AASS: variants seen among roughly 807,000 people sequenced by gnomAD.
The protein encoded by AASS is aminoadipate-semialdehyde synthase.
AASS carries 86 observed loss-of-function variants against 105.4 expected under a neutral mutation model. The ratio of observed to expected loss-of-function variants is 0.82; its 90% confidence interval spans 0.69 to 0.98. The LOEUF is 0.98. Among genes scored for constraint, AASS ranks in the 50% least tolerant of loss-of-function variants. AASS has a pLI of 0.00. For missense variants in AASS, 1,048 were observed against 1,143.2 expected (o/e 0.92, Z 1.20); for synonymous variants, 381 against 394.8 (o/e 0.96, Z 0.41).
chr7:122,118,832 C>T (rs896429631), intron 4 of AASS, among the ~76,000 whole-genome samples: 1 of 152,146 alleles, frequency 6.6e-6, no homozygotes, highest in African/African-American at 2.4e-5. Flanking sequence ...CCCACCTATT[C>T]CTTCCACCTT....
intron 9 of AASS, 94 bp from the exon 10 acceptor site, chr7:122,113,814 G>T: frequency 7.1e-7 from 1 of 1,416,530 alleles, no homozygotes; most frequent in South Asian, 1.2e-5. Flanking sequence ...TTTCAATGTG[G>T]ATCCCAAATA....
chr7:122,082,118 T>A (rs1277572036), intron 19 of AASS, among the ~76,000 whole-genome samples: 1 of 152,026 alleles, frequency 6.6e-6, no homozygotes, highest in Non-Finnish European at 1.5e-5. Context: ...CCAAGATATA[T>A]GGAGAGCAGA....
intron 1 of AASS, among the ~76,000 whole-genome samples, chr7:122,137,571 A>T (rs1796208346): frequency 6.6e-6 from 1 of 152,178 alleles, no homozygotes; most frequent in African/African-American, 2.4e-5. Context: ...TAGAAAAAAA[A>T]TGGTTTGATT....
At chr7:122,114,941 T>C in intron 9 of AASS, 133 bp downstream of exon 9, 2 of 1,204,058 alleles carry the variant, frequency 1.7e-6, no homozygotes, top group South Asian at 1.2e-5. Context: ...TGTTGAGTAC[T>C]GCCAAGAGGT....
chr7:122,118,238 T>C (rs544211013), intron 6 of AASS, 69 bp downstream of exon 6: 1 of 1,570,064 alleles, frequency 6.4e-7, no homozygotes, highest in African/African-American at 1.3e-5. Context: ...ACAAAATGGC[T>C]GCCCACATCA....
intron 4 of AASS, among the ~76,000 whole-genome samples, chr7:122,120,617 G>T (rs1477737270): frequency 6.6e-6 from 1 of 150,980 alleles, no homozygotes; most frequent in Non-Finnish European, 1.5e-5. Flanking sequence ...ATTTCTCTTT[G>T]ATTTTCTAGC....
chr7:122,132,603 G>A (rs549357679), intron 2 of AASS, among the ~76,000 whole-genome samples: 3 of 152,246 alleles, frequency 2.0e-5, no homozygotes, highest in Middle Eastern at 3.4e-3. Context: ...ACCATGGGAC[G>A]ACCAGATGTT....
At chr7:122,080,568 A>T (rs1793264281) in intron 20 of AASS, among the ~76,000 whole-genome samples, 1 of 152,318 alleles carries the variant, frequency 6.6e-6, no homozygotes, top group African/African-American at 2.4e-5. Context: ...GGTAAAACTT[A>T]AGATTGGAAA....
chr7:122,092,809 T>G, intron 17 of AASS, 34 bp downstream of exon 17: 1 of 1,513,982 alleles, frequency 6.6e-7, no homozygotes, highest in Non-Finnish European at 9.2e-7. Context: ...ATTTAGACAT[T>G]TTAATGTTGC....
chr7:122,105,471 T>C (rs1356841133), intron 11 of AASS, among the ~76,000 whole-genome samples: 1 of 152,078 alleles, frequency 6.6e-6, no homozygotes, highest in Non-Finnish European at 1.5e-5. Context: ...ATAGACCATA[T>C]GGTAGGCCAC....
In AASS at chr7:122,092,860, T is replaced by C. The variant is rs1793973091; in HGVS notation, c.1858A>G (p.Lys620Glu). The C allele has an allele frequency of 6.2e-7, 1 of 1,613,958 alleles. No individual in the cohort carries two copies. Among genetic ancestry groups the C allele is most frequent in the South Asian group, 1.1e-5 (1 of 91,090 alleles). ...GGGCTCACCGTGGCTCCCACTTCCT[T>C]GGCTTTATCTATTGTTTCCATTGCT... is the stretch of plus-strand genomic sequence containing the variant. The part of the protein sequence containing the change: ...MLAMETIDKA[K>E]EVGATIESYI... The change falls in exon 17 of 24, where the codon AAG becomes GAG. Residue 620 changes from lysine (K) to glutamate (E), a missense_variant. By Grantham distance (56) the Lys-to-Glu change is moderately conservative. Coordinates refer to ENST00000417368, the MANE Select transcript of AASS (RefSeq NM_005763.4).
Position 122,086,007 on chromosome 7 carries a change from C to CT in AASS, c.2184+4dup. On this transcript the variant is annotated splice_donor_region_variant and intron_variant, in intron 19 of 23. Coordinates refer to ENST00000417368, the MANE Select transcript of AASS (RefSeq NM_005763.4). ...ACATGTTGAATCTAAAGTCCAGCTG[C>CT]TTACCTTATATCTCAGTGTCCCCCG... 6.2e-7 allele frequency: 1 copy of CT among 1,613,400 alleles called. No homozygotes were observed. Among genetic ancestry groups the CT allele is most frequent in the Non-Finnish European group, 8.5e-7 (1 of 1,179,554 alleles).
chr7:122,128,732 C>T (rs1460646186), intron 3 of AASS, among the ~76,000 whole-genome samples: 3 of 152,072 alleles, frequency 2.0e-5, no homozygotes, highest in African/African-American at 7.2e-5. Context: ...TAGTTTTTTT[C>T]ATAGTATTTC....
Position 122,093,168 on chromosome 7 carries a change from A to G in AASS, c.1656-10T>C. On this transcript the variant is annotated splice_polypyrimidine_tract_variant and intron_variant, in intron 15 of 23. Coordinates refer to ENST00000417368, the MANE Select transcript of AASS (RefSeq NM_005763.4). ...TACATAAGGCAACAAGCTTGAAAAC[A>G]GGAAGAAACTAATCAGAAACTCCCT... The G allele has an allele frequency of 1.3e-6, 2 of 1,593,176 alleles. No individual in the cohort carries two copies. The highest frequency in any genetic ancestry group is 1.7e-6 in the Non-Finnish European group (2 of 1,161,010).
intron 11 of AASS, among the ~76,000 whole-genome samples, chr7:122,104,459 G>C (rs1261734272): frequency 6.6e-6 from 1 of 152,016 alleles, no homozygotes; most frequent in Admixed American, 6.6e-5. Context: ...AGCCAGGCTT[G>C]GTGGTGGGCA....
rs554328079 is a variant in AASS at position 122,136,916 on chromosome 7, A to C, written c.-15-3175T>G. ...GATAGGGCGGGAAAGCAGTAGACAC[A>C]CACACAGACACAAATACAGACAGTC... On this transcript the variant is annotated intron_variant, in intron 1 of 23. Coordinates refer to ENST00000417368, the MANE Select transcript of AASS (RefSeq NM_005763.4). Among the ~76,000 whole-genome samples the C allele has an allele frequency of 9.8e-5, 15 of 152,316 alleles. 1 individual carries two copies. Among genetic ancestry groups the C allele is most frequent in the Non-Finnish European group, 2.1e-4 (14 of 68,018 alleles).
chr7:122,126,681 T>C (rs1242326246), intron 3 of AASS, among the ~76,000 whole-genome samples: 2 of 152,124 alleles, frequency 1.3e-5, no homozygotes, highest in East Asian at 1.9e-4. Flanking sequence ...TTGTAGCAGG[T>C]GCTATACCCC....
At position 122,106,223 on chromosome 7, in the gene AASS, G is replaced by T. The variant is rs1193464385; in HGVS notation, c.1279-4543C>A. ...TTTTATTTCTTTCTCTTGCCTGATTGTTCTGGCCAGGACTTCCAATACTAT... is the reference window on the plus strand; with the variant it reads ...TTTTATTTCTTTCTCTTGCCTGATTTTTCTGGCCAGGACTTCCAATACTAT... On this transcript the variant is annotated intron_variant, in intron 11 of 23. Transcript: ENST00000417368. Among the ~76,000 whole-genome samples the T allele has an allele frequency of 3.3e-5, 5 of 151,948 alleles. No homozygotes were observed. The East Asian group carries it at 7.7e-4, about 23-fold the overall frequency.
chr7:122,108,430 T>C (rs746428615), intron 11 of AASS, among the ~76,000 whole-genome samples: 6 of 152,000 alleles, frequency 3.9e-5, no homozygotes, highest in Non-Finnish European at 8.8e-5. Context: ...TTCAACAAAA[T>C]ACTAGAAAAC....
Sources: gnomAD v4.1 joint callset for allele counts (sites outside exome capture counted in the v4.1 genomes callset) on GRCh38, gnomAD v4.1.1 for gene constraint, MANE v1.5 for transcripts, NCBI Gene and HGNC (gene_info 2026-07-23, HGNC 2026-07-21) for gene names.